BID: variants seen among roughly 807,000 people sequenced by gnomAD.
BID encodes the protein BH3 interacting domain death agonist, also known as BH3-interacting domain death agonist.
In BID, 19 loss-of-function variants were observed where a neutral mutation model predicts 17.4. That is an observed-to-expected ratio of 1.09 (90% CI 0.76 to 1.60). The LOEUF is 1.60. BID is among the 40% of genes most tolerant of loss of function. The probability of loss-of-function intolerance (pLI) is 0.00; values close to 1 mark genes in which losing one functional copy is unlikely to be tolerated. For missense variants in BID, 226 were observed against 256.0 expected (o/e 0.88, Z 0.80); for synonymous variants, 108 against 102.8 (o/e 1.05, Z -0.31).
intron 1 of BID, among the ~76,000 whole-genome samples, 182 bp downstream of exon 1, chr22:17,774,199 C>A (rs1275089701): frequency 1.3e-5 from 2 of 151,696 alleles, no homozygotes; most frequent in Non-Finnish European, 2.9e-5. Context: ...CGGGAGAGAC[C>A]CGGCCCTCAG....
At chr22:17,756,087 G>A (rs1348285574) in intron 1 of BID, among the ~76,000 whole-genome samples, 1 of 152,046 alleles carries the variant, frequency 6.6e-6, no homozygotes, top group African/African-American at 2.4e-5. Context: ...AGGCTGGTCT[G>A]GAACTCCTGA....
chr22:17,746,106 GAACT>G (rs1445606994), intron 2 of BID, among the ~76,000 whole-genome samples: 1 of 152,066 alleles, frequency 6.6e-6, no homozygotes, highest in African/African-American at 2.4e-5. Context: ...TACCCTAAGT[GAACT>G]AACTCAGAAA....
At chr22:17,744,159 G>T (rs971466394) in intron 2 of BID, 146 bp from the exon 3 acceptor site, 13 of 695,506 alleles carry the variant, frequency 1.9e-5, no homozygotes, top group Non-Finnish European at 2.9e-5. Flanking sequence ...CCTGCAGGAG[G>T]TCTCAACAGG....
chr22:17,740,097 A>T lies in BID; in HGVS notation c.224-609T>A, dbSNP rs776973827. ...GCCCGAGTACCACTGTCGCAGCTCC[A>T]TGAAGGCCACGCTCAACTGCCACGC... is the stretch of plus-strand genomic sequence containing the variant. On this transcript the variant is annotated intron_variant, in intron 3 of 5. Transcript: ENST00000622694. 2.5e-6 allele frequency: 4 copies of T among 1,608,314 alleles called. No homozygotes were observed. The South Asian group carries it at 3.3e-5, about 13-fold the overall frequency.
intron 3 of BID, chr22:17,740,058 T>G: frequency 6.2e-7 from 1 of 1,607,002 alleles, no homozygotes. Context: ...GCGCACAGCC[T>G]CCGTGCTGCC....
intron 1 of BID, among the ~76,000 whole-genome samples, chr22:17,755,752 A>G (rs1052570815): frequency 1.3e-5 from 2 of 151,294 alleles, no homozygotes; most frequent in African/African-American, 2.4e-5. Flanking sequence ...GTCAGCAGAG[A>G]TCGCACTACT....
intron 3 of BID, 96 bp from the exon 4 acceptor site, chr22:17,739,584 G>T: frequency 6.7e-7 from 1 of 1,484,316 alleles, no homozygotes; most frequent in Non-Finnish European, 9.1e-7. Flanking sequence ...GGACAGGTCC[G>T]CGATGGGACA....
At position 17,769,586 on chromosome 22, in the gene BID, A is replaced by T. The variant is rs2061704682; in HGVS notation, c.-59+4795T>A. ...ATCCAGAGTGCCACCCCGCTTTTCCAGGGCACAGCAAGGAAGTGCCTGCTG... is the reference window on the plus strand; with the variant it reads ...ATCCAGAGTGCCACCCCGCTTTTCCTGGGCACAGCAAGGAAGTGCCTGCTG... On this transcript the variant is annotated intron_variant, in intron 1 of 5. Coordinates refer to ENST00000622694, the MANE Select transcript of BID (RefSeq NM_001196.4). This position sits in a 1 kb window ranked among gnomAD's most constrained non-coding sequence, Gnocchi z 4.8. Among the ~76,000 whole-genome samples, 1 of 152,178 alleles carries T rather than the reference A, an allele frequency of 6.6e-6. No homozygotes were observed. Among genetic ancestry groups the T allele is most frequent in the African/African-American group, 2.4e-5 (1 of 41,458 alleles).
chr22:17,763,302 G>A (rs1350754588), intron 1 of BID, among the ~76,000 whole-genome samples: 4 of 150,386 alleles, frequency 2.7e-5, no homozygotes, highest in African/African-American at 9.8e-5. Flanking sequence ...GGAGTGCAGT[G>A]GCACAATCTT....
intron 2 of BID, among the ~76,000 whole-genome samples, chr22:17,744,614 A>T (rs907139683): frequency 1.3e-5 from 2 of 152,182 alleles, no homozygotes; most frequent in African/African-American, 4.8e-5. Context: ...TCCGAATCCC[A>T]CAGGGAGTGG....
At chr22:17,762,135 C>T (rs2061643475) in intron 1 of BID, among the ~76,000 whole-genome samples, 1 of 152,068 alleles carries the variant, frequency 6.6e-6, no homozygotes, top group African/African-American at 2.4e-5. Context: ...TTCAGTCAGA[C>T]ACCCAGGAGA....
intron 1 of BID, 108 bp from the exon 2 acceptor site, chr22:17,750,282 A>AG: frequency 1.0e-6 from 1 of 961,834 alleles, no homozygotes; most frequent in South Asian, 1.4e-5. Context: ...GGCTGAGCCG[A>AG]GGTCCTGGCC....
Position 17,738,102 on chromosome 22 carries a change from G to A in BID, c.491C>T (p.Pro164Leu), listed in dbSNP as rs745881133. The A allele has an allele frequency of 7.4e-6, 12 of 1,614,010 alleles. No homozygotes were observed. The highest frequency in any genetic ancestry group is 2.2e-5 in the East Asian group (1 of 44,890). The part of the protein sequence containing the change: ...LLAKKVASHT[P>L]SLLRDVFHTT... ...GTGAAAGACATCACGGAGCAAGGAC[G>A]GCGTGTGACTGGCCACCTTCTTGGC... The change falls in exon 5 of 6, where the codon CCG (proline) becomes CTG (leucine). Residue 164 changes from proline to leucine, a missense_variant. By Grantham distance (98) the Pro-to-Leu change is moderately conservative. Coordinates refer to ENST00000622694, the MANE Select transcript of BID (RefSeq NM_001196.4).
In BID at chr22:17,771,022, G is replaced by C. The variant is rs1182676170; in HGVS notation, c.-59+3359C>G. Among the ~76,000 whole-genome samples, 28 of 152,230 alleles carry C rather than the reference G, an allele frequency of 1.8e-4. 1 individual carries two copies. Among genetic ancestry groups the C allele is most frequent in the Admixed American group, 1.8e-3 (28 of 15,284 alleles). On this transcript the variant is annotated intron_variant, in intron 1 of 5. Transcript: ENST00000622694. ...CACCCACGGCTTCCACTAGGACAGTGTGTCTTTCCAGTTACTCTACGTACC... is the reference window on the plus strand; with the variant it reads ...CACCCACGGCTTCCACTAGGACAGTCTGTCTTTCCAGTTACTCTACGTACC...
chr22:17,742,089 C>A (rs972073956), intron 3 of BID, among the ~76,000 whole-genome samples: 1 of 152,234 alleles, frequency 6.6e-6, no homozygotes, highest in Non-Finnish European at 1.5e-5. Context: ...TGTGTCCAGC[C>A]GAGTGAACGG....
rs1233104983 is a variant in BID at position 17,769,249 on chromosome 22, G to C, written c.-59+5132C>G. Among the ~76,000 whole-genome samples, 2 of 152,212 alleles carry C rather than the reference G, an allele frequency of 1.3e-5. No homozygotes were observed. Among genetic ancestry groups the C allele is most frequent in the African/African-American group, 4.8e-5 (2 of 41,458 alleles). On this transcript the variant is annotated intron_variant, in intron 1 of 5. Transcript: ENST00000622694. This position sits in a 1 kb window ranked among gnomAD's most constrained non-coding sequence, Gnocchi z 4.8. Reference sequence around the variant, plus strand: ...GCCTCCCCTCTCCTATGGAGGGGCTGATGACCCAGGAGCGGCTGGCTGCTG... The same window carrying C: ...GCCTCCCCTCTCCTATGGAGGGGCTCATGACCCAGGAGCGGCTGGCTGCTG...
At chr22:17,774,165 G>A (rs926546941) in intron 1 of BID, 4 of 156,764 alleles carry the variant, frequency 2.6e-5, no homozygotes, top group African/African-American at 9.7e-5. Flanking sequence ...CCGCGCCGAG[G>A]AGGGCGCCCG....
chr22:17,761,556 C>G (rs1052692252), intron 1 of BID, among the ~76,000 whole-genome samples: 1 of 151,736 alleles, frequency 6.6e-6, no homozygotes, highest in Non-Finnish European at 1.5e-5. Flanking sequence ...CTCAGCCTCC[C>G]GAGTAGCTGG....
chr22:17,745,674 A>G (rs2061490368), intron 2 of BID, among the ~76,000 whole-genome samples: 1 of 151,882 alleles, frequency 6.6e-6, no homozygotes, highest in South Asian at 2.1e-4. Context: ...AAATGCTTAA[A>G]ATAAGGAGCT....
Sources: allele counts gnomAD v4.1 joint callset (sites outside exome capture counted in the v4.1 genomes callset), GRCh38; gene constraint gnomAD v4.1.1; non-coding constraint Gnocchi (gnomAD v3.1); transcripts MANE v1.5; gene names NCBI Gene and HGNC (gene_info 2026-07-23, HGNC 2026-07-21).